Variants in NRXN3 observed in about 807,000 individuals in gnomAD.
The protein encoded by NRXN3 is neurexin 3.
A neutral mutation model predicts 137.6 loss-of-function variants in NRXN3; 32 were observed. That is an observed-to-expected ratio of 0.23 (90% confidence interval 0.18 to 0.31). NRXN3 has a LOEUF of 0.31. Among genes scored for constraint, NRXN3 ranks in the 10% least tolerant of loss-of-function variants. The pLI is 1.00. For missense variants in NRXN3, 1,574 were observed against 2,062.5 expected, an observed-to-expected ratio of 0.76 and a Z score of 4.59; for synonymous variants, 798 against 784.5, an observed-to-expected ratio of 1.02 and a Z score of -0.29.
chr14:79,143,734 A>T (rs1448669399), intron 15 of NRXN3, among the ~76,000 whole-genome samples: 2 of 152,188 alleles, frequency 1.3e-5, no homozygotes, highest in African/African-American at 2.4e-5. Flanking sequence ...GAGACATTTG[A>T]TACAAAGGTT....
At chr14:79,330,528 CTA>C (rs1455455634) in intron 15 of NRXN3, among the ~76,000 whole-genome samples, 1 of 152,050 alleles carries the variant, frequency 6.6e-6, no homozygotes, top group Non-Finnish European at 1.5e-5. Flanking sequence ...GAATTTTGGT[CTA>C]TTTGAGTTGA....
intron 15 of NRXN3, among the ~76,000 whole-genome samples, chr14:79,003,728 C>G (rs563029563): frequency 1.3e-5 from 2 of 152,262 alleles, no homozygotes; most frequent in South Asian, 4.1e-4. Context: ...TTTGACTGAA[C>G]AAGAAGCCAC....
chr14:78,957,307 G>A lies in NRXN3; in HGVS notation c.2341G>A (p.Val781Met). ...TGACAACGAGTGGCACACCGTTCGGGTGGTGCGGAGAGGAAAAAGCCTTAA... is the reference window on the plus strand; with the variant it reads ...TGACAACGAGTGGCACACCGTTCGGATGGTGCGGAGAGGAAAAAGCCTTAA... ...LNDNEWHTVR[V>M]VRRGKSLKLT... Residue 781 changes from valine to methionine, a missense_variant, in exon 11 of 21, where the codon GTG (valine) becomes ATG (methionine). By Grantham distance (21) the Val-to-Met change is conservative (BLOSUM62 1). Coordinates refer to ENST00000335750, the MANE Select transcript of NRXN3 (RefSeq NM_001330195.2). The A allele has an allele frequency of 6.2e-7, 1 of 1,614,128 alleles. No homozygotes were observed.
At chr14:79,616,846 T>C (rs2098161851) in intron 16 of NRXN3, among the ~76,000 whole-genome samples, 1 of 152,264 alleles carries the variant, frequency 6.6e-6, no homozygotes, top group African/African-American at 2.4e-5. Flanking sequence ...CTTTCATAGA[T>C]GAGGAAAGTA....
intron 8 of NRXN3, among the ~76,000 whole-genome samples, chr14:78,779,135 G>A (rs550586599): frequency 2.0e-5 from 3 of 151,820 alleles, no homozygotes; most frequent in South Asian, 2.1e-4. Flanking sequence ...AATTTCTGAT[G>A]GACATATCAG....
intron 10 of NRXN3, among the ~76,000 whole-genome samples, chr14:78,825,289 T>A (rs1446511193): frequency 2.0e-5 from 3 of 151,312 alleles, no homozygotes; most frequent in Non-Finnish European, 4.4e-5. Context: ...TCAAAAATGA[T>A]CCTTAAAGAG....
At chr14:78,583,408 G>GA (rs1251906801) in intron 4 of NRXN3, among the ~76,000 whole-genome samples, 1 of 149,772 alleles carries the variant, frequency 6.7e-6, no homozygotes, top group Non-Finnish European at 1.5e-5. Flanking sequence ...TATTTATAAT[G>GA]AAAAAAACCT....
chr14:78,462,336 G>A (rs55720563), intron 4 of NRXN3, among the ~76,000 whole-genome samples: 1 of 152,134 alleles, frequency 6.6e-6, no homozygotes, highest in Non-Finnish European at 1.5e-5. Flanking sequence ...GTCTCCTAGG[G>A]TGGCTGTCAC....
At position 79,862,702 on chromosome 14, in the gene NRXN3, G is replaced by A. The variant is rs956077929; in HGVS notation, c.*738G>A. On this transcript the variant is annotated 3_prime_UTR_variant, in exon 21 of 21. Coordinates refer to ENST00000335750, the MANE Select transcript of NRXN3 (RefSeq NM_001330195.2). Reference sequence around the variant, plus strand: ...TTCACTCTACATATCAGGTTATGGTGTCTCTAGAATCTGTTGTTTGTTTCC... The same window carrying A: ...TTCACTCTACATATCAGGTTATGGTATCTCTAGAATCTGTTGTTTGTTTCC... 1 of 152,584 alleles carries A rather than the reference G, an allele frequency of 6.6e-6. No individual in the cohort carries two copies. Among genetic ancestry groups the A allele is most frequent in the African/African-American group, 2.4e-5 (1 of 41,414 alleles). 9.5% of individuals were successfully genotyped at this position (152,584 alleles called of 1,614,324 possible).
chr14:78,891,662 A>T (rs2099159399), intron 10 of NRXN3, among the ~76,000 whole-genome samples: 1 of 152,002 alleles, frequency 6.6e-6, no homozygotes. Flanking sequence ...GAATTTTAAT[A>T]GTGCTCTTCT....
At chr14:79,604,602 A>G (rs2097977261) in intron 16 of NRXN3, among the ~76,000 whole-genome samples, 1 of 152,032 alleles carries the variant, frequency 6.6e-6, no homozygotes, top group South Asian at 2.1e-4. Context: ...AACCTCCCCA[A>G]TAAAATGGAA....
intron 8 of NRXN3, among the ~76,000 whole-genome samples, chr14:78,759,433 A>G (rs1339308797): frequency 6.6e-6 from 1 of 152,220 alleles, no homozygotes; most frequent in African/African-American, 2.4e-5. Flanking sequence ...ATGAAGTTAA[A>G]TAACTTACCC....
chr14:79,641,845 C>T (rs954069223), intron 16 of NRXN3, among the ~76,000 whole-genome samples: 1 of 135,332 alleles, frequency 7.4e-6, no homozygotes, highest in Non-Finnish European at 1.7e-5. Flanking sequence ...ATTATAGGAA[C>T]ATTCTACTGG....
chr14:79,631,478 C>T (rs960309434), intron 16 of NRXN3, among the ~76,000 whole-genome samples: 11 of 152,228 alleles, frequency 7.2e-5, no homozygotes, highest in African/African-American at 2.7e-4. Flanking sequence ...GGAGTCGGGG[C>T]TGCACTGGGC....
chr14:79,830,469 T>C (rs185756305), intron 20 of NRXN3, among the ~76,000 whole-genome samples: 1 of 152,250 alleles, frequency 6.6e-6, no homozygotes, highest in East Asian at 1.9e-4. Flanking sequence ...AGGAACCAAG[T>C]AAGAGAATAG....
rs140405984 is a variant in NRXN3, at chr14:78,727,870, G to C, written c.2044+12731G>C. ...AAGCTAAATTTATTTTTGACCATAG[G>C]AACATCTTAGGGTACCACTAGACAA... On this transcript the variant is annotated intron_variant, in intron 8 of 20. Coordinates refer to ENST00000335750, the MANE Select transcript of NRXN3 (RefSeq NM_001330195.2). Among the ~76,000 whole-genome samples the C allele has an allele frequency of 6.6e-5, 10 of 152,254 alleles. No individual in the cohort carries two copies. In the East Asian group the frequency reaches 1.9e-3, roughly 29 times the overall value.
intron 4 of NRXN3, among the ~76,000 whole-genome samples, chr14:78,597,150 T>C (rs1046855310): frequency 2.6e-5 from 4 of 152,190 alleles, no homozygotes; most frequent in Non-Finnish European, 5.9e-5. Flanking sequence ...TGGAGAAGAC[T>C]GTGTCGGGGA....
At chr14:78,678,720 A>G (rs532205367) in intron 6 of NRXN3, among the ~76,000 whole-genome samples, 1 of 152,292 alleles carries the variant, frequency 6.6e-6, no homozygotes, top group South Asian at 2.1e-4. Flanking sequence ...TTTACCCTGT[A>G]AAACATATGC....
intron 15 of NRXN3, among the ~76,000 whole-genome samples, chr14:79,386,479 A>T (rs2094621593): frequency 6.6e-6 from 1 of 152,196 alleles, no homozygotes; most frequent in Admixed American, 6.5e-5. Flanking sequence ...AGAACATTCC[A>T]TGCTCATGGG....
Sources: gnomAD v4.1 joint callset for allele counts (sites outside exome capture counted in the v4.1 genomes callset) on GRCh38, gnomAD v4.1.1 for gene constraint, MANE v1.5 for transcripts, NCBI Gene and HGNC (gene_info 2026-07-23, HGNC 2026-07-21) for gene names.